PXDN: variants seen among roughly 807,000 people sequenced by gnomAD.
PXDN encodes the protein peroxidasin homolog.
In PXDN, 77 loss-of-function variants were observed where a neutral mutation model predicts 140.3. That is an observed-to-expected ratio of 0.55 (90% CI 0.46 to 0.66). PXDN has a LOEUF of 0.66. PXDN is among the 30% of genes least tolerant of loss of function. The pLI is 0.00. For synonymous variants in PXDN, 911 were observed against 857.4 expected (o/e 1.06, Z -1.09); for missense variants, 1,838 against 2,039.5 (o/e 0.90, Z 1.90).
intron 1 of PXDN, among the ~76,000 whole-genome samples, chr2:1,730,639 C>A (rs1349002132): frequency 1.3e-5 from 2 of 152,188 alleles, no homozygotes; most frequent in African/African-American, 4.8e-5. Flanking sequence ...ACATCCAGCT[C>A]CTGGTCCCCA....
chr2:1,667,243 TAACAAAATAC>T (rs2125429018), intron 9 of PXDN, among the ~76,000 whole-genome samples: 1 of 152,232 alleles, frequency 6.6e-6, no homozygotes, highest in East Asian at 1.9e-4. Context: ...TTGAAAAGAT[TAACAAAATAC>T]ATATTTTGTT....
intron 16 of PXDN, chr2:1,652,940 G>GTGTA (rs1458663795): frequency 6.4e-6 from 1 of 156,016 alleles, no homozygotes; most frequent in African/African-American, 2.4e-5. Flanking sequence ...CTGTGTGTGT[G>GTGTA]TGTGTGTGTG....
rs1684089589 is a variant in PXDN, at chr2:1,687,510, C to G, written c.416+122G>C. ...TTTTCCGTCATCATGCACGTACTCCCCGCACCTCAGGTAGCATAGTCATGC... is the reference window on the plus strand; with the variant it reads ...TTTTCCGTCATCATGCACGTACTCCGCGCACCTCAGGTAGCATAGTCATGC... On this transcript the variant is annotated intron_variant, in intron 4 of 22. Transcript: ENST00000252804. The surrounding 1 kb of genome is among the most constrained non-coding windows in gnomAD (Gnocchi z 4.0). The G allele has an allele frequency of 1.5e-6, 1 of 662,718 alleles. No homozygotes were observed. Among genetic ancestry groups the G allele is most frequent in the Non-Finnish European group, 2.3e-6 (1 of 430,072 alleles). 41.1% of individuals were successfully genotyped at this position (662,718 alleles called of 1,614,324 possible). A position where few individuals can be genotyped will look rare whatever the true frequency, so the allele number is the denominator to read the frequency against.
At position 1,632,100 on chromosome 2, in the gene PXDN, T is replaced by C. The variant is rs1682424407; in HGVS notation, c.*2104A>G. ...CGTTCACCCAGGCACTGCCCACTGTTCTGATTACAGAGAGTATCAAACTGG... is the reference window on the plus strand; with the variant it reads ...CGTTCACCCAGGCACTGCCCACTGTCCTGATTACAGAGAGTATCAAACTGG... On this transcript the variant is annotated 3_prime_UTR_variant, in exon 23 of 23. Coordinates refer to ENST00000252804, the MANE Select transcript of PXDN (RefSeq NM_012293.3). This position sits in a 1 kb window ranked among gnomAD's most constrained non-coding sequence, Gnocchi z 4.3. 1 of 152,566 alleles carries C rather than the reference T, an allele frequency of 6.6e-6. No homozygotes were observed. The allele number at this position is 152,566 out of a possible 1,614,324, so 9.5% of individuals were successfully genotyped here.
chr2:1,663,825 AC>A (rs752180747), intron 11 of PXDN, 62 bp from the exon 12 acceptor site: 22 of 1,569,188 alleles, frequency 1.4e-5, no homozygotes, highest in Non-Finnish European at 1.9e-5. Context: ...CTGCTCTCAG[AC>A]TGACAGCATG....
intron 11 of PXDN, 48 bp downstream of exon 11, chr2:1,664,910 C>A (rs73910824): frequency 1.4e-6 from 2 of 1,442,620 alleles, no homozygotes; most frequent in African/African-American, 1.4e-5. Flanking sequence ...GTGCTTCCTG[C>A]GTCTGTGGCC....
At chr2:1,679,819 ATGG>A (rs1324043707) in intron 7 of PXDN, among the ~76,000 whole-genome samples, 1 of 115,746 alleles carries the variant, frequency 8.6e-6, no homozygotes. Context: ...GTGTGTGTAA[ATGG>A]TGTGTGTGTG....
At chr2:1,643,170 C>T (rs1682766809) in intron 19 of PXDN, among the ~76,000 whole-genome samples, 198 bp downstream of exon 19, 1 of 152,202 alleles carries the variant, frequency 6.6e-6, no homozygotes, top group African/African-American at 2.4e-5. Context: ...GCCAATTCCT[C>T]AGAATCACCA....
At chr2:1,718,968 C>T (rs1048748146) in intron 1 of PXDN, among the ~76,000 whole-genome samples, 1 of 152,258 alleles carries the variant, frequency 6.6e-6, no homozygotes, top group Non-Finnish European at 1.5e-5. Flanking sequence ...CCATACCTCG[C>T]AGATGGCATG....
In PXDN at chr2:1,724,312, G is replaced by GTTTTT. The variant is rs34475212; in HGVS notation, c.200+19939_200+19943dup. Among the ~76,000 whole-genome samples, 61 of 139,928 alleles carry GTTTTT rather than the reference G, an allele frequency of 4.4e-4. 1 individual carries two copies. Among genetic ancestry groups the GTTTTT allele is most frequent in the Non-Finnish European group, 5.7e-4 (37 of 65,368 alleles). The allele number at this position is 139,928 out of a possible 152,430, so 91.8% of individuals were successfully genotyped here. A position where few individuals can be genotyped will look rare whatever the true frequency, so the allele number is the denominator to read the frequency against. ...TTATTTAAAGTAAGTCTGAATTTCC[G>GTTTTT]TTTTTTTTTTTTTTTGGTCAGAAAG... On this transcript the variant is annotated intron_variant, in intron 1 of 22. Transcript: ENST00000252804.
intron 19 of PXDN, 119 bp downstream of exon 19, chr2:1,643,249 G>A: frequency 9.4e-7 from 1 of 1,064,730 alleles, no homozygotes; most frequent in Non-Finnish European, 1.4e-6. Flanking sequence ...ATCTAAAGCT[G>A]AATATTTTGT....
At position 1,744,342 on chromosome 2, in the gene PXDN, G is replaced by C. The variant is rs745830664; in HGVS notation, c.114C>G (p.Ser38Arg). 7 of 1,527,738 alleles carry C rather than the reference G, an allele frequency of 4.6e-6. No homozygotes were observed. Among genetic ancestry groups the C allele is most frequent in the Non-Finnish European group, 6.1e-6 (7 of 1,143,704 alleles). The allele number at this position is 1,527,738 out of a possible 1,614,324, so 94.6% of individuals were successfully genotyped here. A position where few individuals can be genotyped will look rare whatever the true frequency, so the allele number is the denominator to read the frequency against. The change falls in exon 1 of 23, where the codon AGC (serine) becomes AGG (arginine). Residue 38 changes from serine to arginine, a missense_variant. This residue lies in a region of PXDN where 231 missense variants were observed against 201.5 expected (regional missense o/e 1.15). Transcript: ENST00000252804. Reference protein sequence around the residue: ...VAQKPGAGCPSRCLCFRTTVR... With the variant: ...VAQKPGAGCPRRCLCFRTTVR... Reference sequence around the variant, plus strand: ...CGGTGGTGCGGAAGCACAGGCAGCGGCTCGGACACCCTGCGCCCGGCTTCT... The same window carrying C: ...CGGTGGTGCGGAAGCACAGGCAGCGCCTCGGACACCCTGCGCCCGGCTTCT...
At chr2:1,640,229 T>C (rs554186911) in intron 19 of PXDN, among the ~76,000 whole-genome samples, 26 of 152,274 alleles carry the variant, frequency 1.7e-4, no homozygotes, top group African/African-American at 6.3e-4. Flanking sequence ...ACACACTATC[T>C]AACGAAGTAA....
rs1314347820 is a variant in PXDN at position 1,666,557 on chromosome 2, A to G, written c.1019-71T>C. On this transcript the variant is annotated intron_variant, in intron 9 of 22. Transcript: ENST00000252804. ...ACATGGTTTTTGCTTGATTTTTCCTATGTCAGGCTATTAATTCTATTTACC... is the reference window on the plus strand; with the variant it reads ...ACATGGTTTTTGCTTGATTTTTCCTGTGTCAGGCTATTAATTCTATTTACC... 23 of 1,473,872 alleles carry G rather than the reference A, an allele frequency of 1.6e-5. No individual in the cohort carries two copies. In the East Asian group the frequency reaches 4.3e-4, roughly 27 times the overall value. The allele number at this position is 1,473,872 out of a possible 1,614,324, so 91.3% of individuals were successfully genotyped here.
At chr2:1,708,894 G>A (rs1684683715) in intron 1 of PXDN, among the ~76,000 whole-genome samples, 1 of 152,176 alleles carries the variant, frequency 6.6e-6, no homozygotes, top group Non-Finnish European at 1.5e-5. Context: ...ATCAAGTACA[G>A]TTTTTTTAAG....
chr2:1,708,095 C>T (rs1454435940), intron 1 of PXDN, among the ~76,000 whole-genome samples: 1 of 152,146 alleles, frequency 6.6e-6, no homozygotes, highest in Admixed American at 6.5e-5. Flanking sequence ...ATCCTCCCAC[C>T]TCCCCGCCAA....
intron 16 of PXDN, chr2:1,653,258 C>T (rs1683055005): frequency 2.9e-6 from 1 of 347,642 alleles, no homozygotes; most frequent in Admixed American, 3.8e-5. Flanking sequence ...ATTCCCAGGA[C>T]ACAACGTCAC....
intron 7 of PXDN, among the ~76,000 whole-genome samples, 189 bp from the exon 8 acceptor site, chr2:1,677,233 C>T (rs1208103180): frequency 4.6e-5 from 7 of 152,178 alleles, no homozygotes; most frequent in East Asian, 1.9e-4. Flanking sequence ...TGCGGATCTA[C>T]ATGATGTCTA....
chr2:1,658,582 C>G (rs894153871), intron 14 of PXDN, among the ~76,000 whole-genome samples: 1 of 152,124 alleles, frequency 6.6e-6, no homozygotes, highest in Non-Finnish European at 1.5e-5. Flanking sequence ...CGACACCTCG[C>G]CCTGGACCCT....
Sources: gnomAD v4.1 joint callset for allele counts (sites outside exome capture counted in the v4.1 genomes callset) on GRCh38, gnomAD v4.1.1 for gene constraint, gnomAD v4.1.1 regional missense constraint, Gnocchi (gnomAD v3.1) non-coding constraint, MANE v1.5 for transcripts, NCBI Gene and HGNC (gene_info 2026-07-23, HGNC 2026-07-21) for gene names.